Variants in DOK5 observed in about 807,000 individuals in gnomAD.
DOK5 encodes downstream of tyrosine kinase 5.
DOK5 carries 27 observed loss-of-function variants against 43.3 expected under a neutral mutation model. The ratio of observed to expected loss-of-function variants is 0.62; its 90% CI spans 0.46 to 0.86. The LOEUF is 0.86. Among genes scored for constraint, DOK5 ranks in the 40% least tolerant of loss-of-function variants. DOK5 has a pLI of 0.00. For synonymous variants in DOK5, 146 were observed against 140.1 expected, an observed-to-expected ratio of 1.04 and a Z score of -0.30; for missense variants, 373 against 392.9, an observed-to-expected ratio of 0.95 and a Z score of 0.43.
At chr20:54,529,878 C>T (rs1481040865) in intron 1 of DOK5, among the ~76,000 whole-genome samples, 1 of 152,192 alleles carries the variant, frequency 6.6e-6, no homozygotes, top group Admixed American at 6.5e-5. Flanking sequence ...GAAGTTTCAT[C>T]TATGTTGTAG....
intron 2 of DOK5, among the ~76,000 whole-genome samples, chr20:54,577,389 G>A (rs918738820): frequency 3.9e-5 from 6 of 152,058 alleles, no homozygotes; most frequent in South Asian, 2.1e-4. Flanking sequence ...TACTAGCTCC[G>A]CATCCATATA....
At chr20:54,548,407 T>G (rs1329156322) in intron 1 of DOK5, among the ~76,000 whole-genome samples, 2 of 143,964 alleles carry the variant, frequency 1.4e-5, no homozygotes, top group Admixed American at 6.9e-5. Flanking sequence ...AATTTTTGTA[T>G]TTTTTTTTTT....
chr20:54,555,848 T>A (rs1257963962), intron 2 of DOK5, among the ~76,000 whole-genome samples: 1 of 152,208 alleles, frequency 6.6e-6, no homozygotes, highest in Non-Finnish European at 1.5e-5. Flanking sequence ...TGGTGAGAAT[T>A]TACTGGGGCC....
At chr20:54,582,113 A>G (rs1402389841) in intron 2 of DOK5, among the ~76,000 whole-genome samples, 5 of 151,814 alleles carry the variant, frequency 3.3e-5, no homozygotes, top group Non-Finnish European at 7.4e-5. Flanking sequence ...CCTTTTCTGC[A>G]TCTGTTGAGG....
At chr20:54,487,786 T>C (rs1260088063) in intron 1 of DOK5, among the ~76,000 whole-genome samples, 3 of 152,186 alleles carry the variant, frequency 2.0e-5, no homozygotes. Context: ...CCCCAAAAAC[T>C]GTACAACCTT....
chr20:54,574,271 C>A (rs1247100953), intron 2 of DOK5, among the ~76,000 whole-genome samples: 1 of 152,062 alleles, frequency 6.6e-6, no homozygotes, highest in Non-Finnish European at 1.5e-5. Context: ...CCTGTATCCA[C>A]CTCTGCTTGG....
intron 6 of DOK5, among the ~76,000 whole-genome samples, chr20:54,638,035 T>C (rs1242955851): frequency 6.7e-6 from 1 of 148,834 alleles, no homozygotes; most frequent in Non-Finnish European, 1.5e-5. Context: ...GGCAGGAGAA[T>C]GGTGTGAACC....
chr20:54,615,215 C>G (rs1352171600), intron 6 of DOK5, among the ~76,000 whole-genome samples: 1 of 152,150 alleles, frequency 6.6e-6, no homozygotes, highest in East Asian at 1.9e-4. Flanking sequence ...CCTTATGACC[C>G]TCAATCCCAA....
intron 1 of DOK5, among the ~76,000 whole-genome samples, chr20:54,498,776 C>G (rs1313886145): frequency 6.6e-6 from 1 of 152,120 alleles, no homozygotes; most frequent in Non-Finnish European, 1.5e-5. Context: ...ATTTTATTCA[C>G]AAGCTAGTAT....
chr20:54,619,026 TATATATA>T (rs1986902435), intron 6 of DOK5, among the ~76,000 whole-genome samples: 430 of 42,802 alleles, frequency 0.01, 14 homozygotes, highest in African/African-American at 0.012. Context: ...CAATAAATTA[TATATATA>T]TATATATATA....
intron 1 of DOK5, among the ~76,000 whole-genome samples, chr20:54,479,201 ATAGATT>A (rs1243950324): frequency 1.3e-5 from 2 of 152,224 alleles, no homozygotes; most frequent in Admixed American, 1.3e-4. Context: ...TCAAATATGT[ATAGATT>A]TATTCTCTTC....
At chr20:54,589,741 TA>T (rs968389216) in intron 4 of DOK5, among the ~76,000 whole-genome samples, 6 of 151,882 alleles carry the variant, frequency 4.0e-5, no homozygotes, top group African/African-American at 1.5e-4. Flanking sequence ...CCAATGTTAG[TA>T]AAAAAAATGC....
chr20:54,547,271 C>G (rs1984381165), intron 1 of DOK5, among the ~76,000 whole-genome samples: 1 of 152,130 alleles, frequency 6.6e-6, no homozygotes, highest in Non-Finnish European at 1.5e-5. Flanking sequence ...AACATTTACT[C>G]TTTGGCTCAT....
chr20:54,594,870 T>A (rs1299821031), intron 5 of DOK5, among the ~76,000 whole-genome samples: 1 of 152,232 alleles, frequency 6.6e-6, no homozygotes, highest in African/African-American at 2.4e-5. Context: ...GTTTAATTTA[T>A]TCATATTGAA....
chr20:54,499,924 C>T (rs1021645440), intron 1 of DOK5, among the ~76,000 whole-genome samples: 2 of 152,168 alleles, frequency 1.3e-5, no homozygotes, highest in Non-Finnish European at 2.9e-5. Context: ...CATGCCTTCT[C>T]TGCTTAATCT....
In DOK5 at chr20:54,644,710, A is replaced by AC. The variant is rs1555839772; in HGVS notation, c.856+1132_856+1133insC. The stretch of plus-strand genomic sequence containing the variant: ...GACAGAGAGAGACTCCGTCTCAAAA[A>AC]AAAAAAAAAAAAAACAAAATTTAGC... On this transcript the variant is annotated intron_variant, in intron 7 of 7. Transcript: ENST00000262593. 1.7e-3 allele frequency among the ~76,000 whole-genome samples: 169 copies of AC among 102,270 alleles called. 2 individuals are homozygous for AC. Among genetic ancestry groups the AC allele is most frequent in the African/African-American group, 6.0e-3 (167 of 27,786 alleles). 67.1% of individuals were successfully genotyped at this position (102,270 alleles called of 152,430 possible). A position where few individuals can be genotyped will look rare whatever the true frequency, so the allele number is the denominator to read the frequency against.
At chr20:54,638,087 A>C (rs1328268042) in intron 6 of DOK5, among the ~76,000 whole-genome samples, 2 of 145,602 alleles carry the variant, frequency 1.4e-5, no homozygotes, top group Non-Finnish European at 3.0e-5. Context: ...ATGTCACTGC[A>C]TTCCAGCCTG....
intron 1 of DOK5, among the ~76,000 whole-genome samples, chr20:54,500,505 A>AT (rs1982553770): frequency 6.6e-6 from 1 of 151,764 alleles, no homozygotes; most frequent in Admixed American, 6.6e-5. Context: ...CTAAACATTG[A>AT]AAGTTTCACA....
intron 1 of DOK5, among the ~76,000 whole-genome samples, chr20:54,496,102 C>G (rs2146673486): frequency 6.6e-6 from 1 of 152,256 alleles, no homozygotes; most frequent in South Asian, 2.1e-4. Context: ...TTTTCAGACA[C>G]AGATGAAGTT....
Sources: gnomAD v4.1 joint callset for allele counts (sites outside exome capture counted in the v4.1 genomes callset) on GRCh38, gnomAD v4.1.1 for gene constraint, MANE v1.5 for transcripts, NCBI Gene and HGNC (gene_info 2026-07-23, HGNC 2026-07-21) for gene names.